Variants in C2 observed in about 807,000 individuals in gnomAD.
The protein encoded by C2 is complement C2, also known as C3/C5 convertase.
A neutral mutation model predicts 85.2 loss-of-function variants in C2; 64 were observed. The observed-to-expected ratio is 0.75, with a 90% CI of 0.61 to 0.92. The LOEUF is 0.92. C2 is among the 40% of genes least tolerant of loss of function. C2 has a pLI of 0.00. For missense variants in C2, 820 were observed against 971.6 expected, an observed-to-expected ratio of 0.84 and a Z score of 2.07; for synonymous variants, 311 against 370.8, an observed-to-expected ratio of 0.84 and a Z score of 1.85.
chr6:31,912,098 C>G (rs1768153273), intron 1 of C2, among the ~76,000 whole-genome samples: 1 of 152,110 alleles, frequency 6.6e-6, no homozygotes, highest in Admixed American at 6.6e-5. Context: ...CAAGTTCCTG[C>G]TGATGCTGAT....
chr6:31,908,124 G>A lies in C2; in HGVS notation c.73+6985G>A, dbSNP rs1374142324. ...GCCTCCCAAAGTGCTGGGATTACAG[G>A]CATGAGCCGCAGCACCCGGCCATTT... On this transcript the variant is annotated intron_variant, in intron 1 of 3. Transcript: ENST00000452202. Among the ~76,000 whole-genome samples the A allele has an allele frequency of 1.9e-4, 28 of 150,016 alleles. No homozygotes were observed. In the East Asian group the frequency reaches 4.2e-3, roughly 23 times the overall value.
At chr6:31,931,964 G>C (rs1290593869) in intron 3 of C2, among the ~76,000 whole-genome samples, 1 of 131,774 alleles carries the variant, frequency 7.6e-6, no homozygotes, top group African/African-American at 2.7e-5. Flanking sequence ...CCTCCCTCCC[G>C]GACGGGGCGG....
chr6:31,942,580 A>G (rs1249669940), intron 9 of C2, among the ~76,000 whole-genome samples: 1 of 151,968 alleles, frequency 6.6e-6, no homozygotes, highest in Non-Finnish European at 1.5e-5. Flanking sequence ...TGTCTGGGGC[A>G]TTGCAGTTTT....
chr6:31,901,351 G>C, intron 1 of C2: 1 of 1,564,910 alleles, frequency 6.4e-7, no homozygotes, highest in Non-Finnish European at 8.7e-7. Context: ...ACCGGTCAGA[G>C]ACAAAGGTCT....
upstream of C2, among the ~76,000 whole-genome samples, chr6:31,899,116 C>T (rs777371348): frequency 2.0e-5 from 3 of 151,542 alleles, no homozygotes; most frequent in Admixed American, 6.6e-5. Flanking sequence ...AAAACAAAAG[C>T]AGAAAAACTA....
upstream of C2, among the ~76,000 whole-genome samples, chr6:31,915,030 G>A (rs1451510979): frequency 6.6e-6 from 1 of 152,172 alleles, no homozygotes; most frequent in Non-Finnish European, 1.5e-5. Context: ...ATGCCTCAAC[G>A]TTGGTGCTGG....
chr6:31,928,541 ACT>A (rs1027103658), intron 2 of C2, among the ~76,000 whole-genome samples, 189 bp from the exon 3 acceptor site: 24 of 152,058 alleles, frequency 1.6e-4, no homozygotes, highest in African/African-American at 5.1e-4. Context: ...GTTCGCTTAG[ACT>A]CTGTGAAATT....
intron 1 of C2, among the ~76,000 whole-genome samples, chr6:31,906,245 T>C (rs1767704463): frequency 6.6e-6 from 1 of 151,984 alleles, no homozygotes; most frequent in South Asian, 2.1e-4. Flanking sequence ...AGAAGCCATG[T>C]GAAAACAAAG....
intron 1 of C2, among the ~76,000 whole-genome samples, chr6:31,907,574 C>T (rs1767794122): frequency 1.0e-5 from 1 of 99,310 alleles, no homozygotes; most frequent in Admixed American, 1.5e-4. Flanking sequence ...TGGCGCAAGA[C>T]CCTGTCAAAA....
In C2 at chr6:31,943,807, C is replaced by T. The variant is rs1771103957; in HGVS notation, c.1731C>T (p.Ala577=). Residue 577 remains alanine (A), a splice_region_variant and synonymous_variant, in exon 13 of 18, where the codon GCC becomes GCT. Coordinates refer to ENST00000299367, the MANE Select transcript of C2 (RefSeq NM_000063.6). This position sits in a 1 kb window ranked among gnomAD's most constrained non-coding sequence, Gnocchi z 6.4. ...LAQKVKMSTH[A]RPICLPCTME... is the part of the protein sequence containing the mutation. ...AGAAAGTAAAGATGTCCACCCATGC[C>T]AGGTGCCTGGAGTCTGGGATGGGAG... 1 of 1,613,056 alleles carries T rather than the reference C, an allele frequency of 6.2e-7. No individual in the cohort carries two copies. The highest frequency in any genetic ancestry group is 8.5e-7 in the Non-Finnish European group (1 of 1,180,016).
rs753221178 is a variant in C2 at position 31,943,356 on chromosome 6, G to T, written c.1455+37G>T. 1.2e-6 allele frequency: 2 copies of T among 1,608,790 alleles called. No individual in the cohort carries two copies. The highest frequency in any genetic ancestry group is 1.6e-4 in the Middle Eastern group (1 of 6,080). ...GAGGGGCAGGGCTTGGATTCCAGAGGTAAAAGCGGCCATGGGCCAGACATA... is the reference window on the plus strand; with the variant it reads ...GAGGGGCAGGGCTTGGATTCCAGAGTTAAAAGCGGCCATGGGCCAGACATA... On this transcript the variant is annotated intron_variant, in intron 11 of 17. Transcript: ENST00000299367. The surrounding 1 kb of genome is among the most constrained non-coding windows in gnomAD (Gnocchi z 6.4).
At chr6:31,934,099 G>A in intron 5 of C2, 67 bp from the exon 6 acceptor site, 1 of 1,590,414 alleles carries the variant, frequency 6.3e-7, no homozygotes, top group African/African-American at 1.3e-5. Context: ...CAGAGAAGCT[G>A]GACCTGCTTG....
Position 31,943,981 on chromosome 6 carries a change from T to C in C2, c.1798T>C (p.Cys600Arg), listed in dbSNP as rs748834688. 6.2e-7 allele frequency: 1 copy of C among 1,612,940 alleles called. No homozygotes were observed. Among genetic ancestry groups the C allele is most frequent in the South Asian group, 1.1e-5 (1 of 91,074 alleles). The change falls in exon 14 of 18, where the codon TGT becomes CGT. Residue 600 changes from cysteine to arginine, a missense_variant. Physicochemically the swap from Cys to Arg is radical, Grantham distance 180 (BLOSUM62 -3). Coordinates refer to ENST00000299367, the MANE Select transcript of C2 (RefSeq NM_000063.6). The surrounding 1 kb of genome is among the most constrained non-coding windows in gnomAD (Gnocchi z 6.4). The stretch of plus-strand genomic sequence containing the variant: ...TCTGCGGAGACCTCAAGGCAGCACC[T>C]GTAGGGACCATGGTGAGTGCTGGGA... ...LALRRPQGST[C>R]RDHENELLNK...
chr6:31,935,886 A>G lies in C2; in HGVS notation c.850-37A>G. The G allele has an allele frequency of 6.2e-7, 1 of 1,611,406 alleles. No homozygotes were observed. ...CTCTTACCATCTCCCCTTTGGCTTC[A>G]GGGCCCTTTACGCTGCCTCTCACTT... On this transcript the variant is annotated intron_variant, in intron 6 of 17. Transcript: ENST00000299367. This position sits in a 1 kb window ranked among gnomAD's most constrained non-coding sequence, Gnocchi z 4.3.
chr6:31,916,841 T>C (rs1490872475), upstream of C2, among the ~76,000 whole-genome samples: 6 of 99,552 alleles, frequency 6.0e-5, no homozygotes, highest in Admixed American at 3.3e-4. Flanking sequence ...TACTCCAGCC[T>C]GGGTGACAGG....
Position 31,936,009 on chromosome 6 carries a change from C to G in C2, c.936C>G (p.Asn312Lys), listed in dbSNP as rs532091149. The G allele has an allele frequency of 2.0e-4, 323 of 1,613,062 alleles. 1 individual carries two copies. In the East Asian group the frequency reaches 6.4e-3, roughly 32 times the overall value. The change falls in exon 7 of 18, where the codon AAC (asparagine) becomes AAG (lysine). Residue 312 changes from asparagine to lysine, a missense_variant. Physicochemically the swap from Asn to Lys is moderately conservative, Grantham distance 94. Coordinates refer to ENST00000299367, the MANE Select transcript of C2 (RefSeq NM_000063.6). The part of the protein sequence containing the change: ...PKVLMSVLND[N>K]SRDMTEVISS... The stretch of plus-strand genomic sequence containing the variant: ...TCCTCATGTCTGTCCTGAACGACAA[C>G]TCCCGGGATATGACTGAGGTGATCA...
Position 31,928,161 on chromosome 6 carries a change from A to G in C2, c.253A>G (p.Lys85Glu). The change falls in exon 2 of 18, where the codon AAA (lysine) becomes GAA (glutamate). Residue 85 changes from lysine (K) to glutamate (E), a missense_variant. Coordinates refer to ENST00000299367, the MANE Select transcript of C2 (RefSeq NM_000063.6). ...CCGGTCTCTGTCTAAGGCGGTCTGC[A>G]AACGTGAGGCTCCCTGTGGGCTTTG... The part of the protein sequence containing the change: ...ATRSLSKAVC[K>E]PVRCPAPVSF... 4 of 1,606,582 alleles carry G rather than the reference A, an allele frequency of 2.5e-6. No individual in the cohort carries two copies. The highest frequency in any genetic ancestry group is 3.4e-6 in the Non-Finnish European group (4 of 1,178,944).
At chr6:31,940,439 G>A (rs553380500) in intron 9 of C2, among the ~76,000 whole-genome samples, 1 of 152,246 alleles carries the variant, frequency 6.6e-6, no homozygotes, top group African/African-American at 2.4e-5. Context: ...GGCTTTGGCA[G>A]TTGCAGCCTC....
chr6:31,927,336 T>G, upstream of C2: 2 of 296,374 alleles, frequency 6.7e-6, no homozygotes, highest in Non-Finnish European at 1.2e-5. This position sits in a 1 kb window ranked among gnomAD's most constrained non-coding sequence, Gnocchi z 4.7. Flanking sequence ...TCTTGGATGG[T>G]TTGTGGGTTT....
Sources: allele counts gnomAD v4.1 joint callset (sites outside exome capture counted in the v4.1 genomes callset), GRCh38; gene constraint gnomAD v4.1.1; non-coding constraint Gnocchi (gnomAD v3.1); transcripts MANE v1.5; gene names NCBI Gene and HGNC (gene_info 2026-07-23, HGNC 2026-07-21).